KCNH1: variants seen among roughly 807,000 people sequenced by gnomAD.
KCNH1 encodes voltage-gated delayed rectifier potassium channel KCNH1.
A neutral mutation model predicts 69.2 loss-of-function variants in KCNH1; 27 were observed. The observed-to-expected ratio is 0.39, with a 90% CI of 0.29 to 0.54. The LOEUF (loss-of-function observed/expected upper bound fraction) is 0.54, where lower values mean the gene tolerates loss of function less well. Among genes scored for constraint, KCNH1 ranks in the 20% least tolerant of loss-of-function variants. The pLI is 0.68. For synonymous variants in KCNH1, 456 were observed against 487.7 expected, an observed-to-expected ratio of 0.93 and a Z score of 0.86; for missense variants, 798 against 1,261.6, an observed-to-expected ratio of 0.63 and a Z score of 5.57.
At chr1:210,728,357 A>G (rs1682659900) in intron 10 of KCNH1, among the ~76,000 whole-genome samples, 1 of 152,234 alleles carries the variant, frequency 6.6e-6, no homozygotes, top group Non-Finnish European at 1.5e-5. Context: ...TGAATGGTGA[A>G]TAGTGAAATG....
At chr1:211,130,959 T>C (rs78932442) in intron 1 of KCNH1, among the ~76,000 whole-genome samples, 3 of 152,348 alleles carry the variant, frequency 2.0e-5, no homozygotes, top group East Asian at 3.9e-4. Context: ...ATGTTGTTCT[T>C]GTTGTTATAA....
intron 1 of KCNH1, among the ~76,000 whole-genome samples, chr1:211,108,924 G>T (rs1691409141): frequency 6.6e-6 from 1 of 152,222 alleles, no homozygotes; most frequent in South Asian, 2.1e-4. Context: ...GATAAGAAAT[G>T]GTCCCTGCAC....
intron 10 of KCNH1, among the ~76,000 whole-genome samples, chr1:210,714,398 G>A (rs1558435704): frequency 6.6e-6 from 1 of 152,118 alleles, no homozygotes; most frequent in African/African-American, 2.4e-5. Flanking sequence ...TTCCTGTTTT[G>A]TTTTTTGCCT....
intron 10 of KCNH1, among the ~76,000 whole-genome samples, chr1:210,737,473 C>T (rs570712290): frequency 6.6e-6 from 1 of 152,322 alleles, no homozygotes; most frequent in African/African-American, 2.4e-5. Flanking sequence ...AGGATTCAGA[C>T]TCTGACCTCT....
At chr1:210,952,235 C>A (rs1688078379) in intron 6 of KCNH1, among the ~76,000 whole-genome samples, 1 of 152,200 alleles carries the variant, frequency 6.6e-6, no homozygotes. Context: ...TGGCCATAAA[C>A]CCCTTCCCTC....
intron 10 of KCNH1, among the ~76,000 whole-genome samples, chr1:210,724,391 A>G (rs374210963): frequency 7.9e-5 from 12 of 152,226 alleles, no homozygotes; most frequent in African/African-American, 2.9e-4. Flanking sequence ...CTGCTTACTG[A>G]TCCAGTAAGC....
intron 5 of KCNH1, among the ~76,000 whole-genome samples, chr1:211,060,591 AAAAG>A (rs1020332054): frequency 1.3e-5 from 2 of 151,844 alleles, no homozygotes; most frequent in African/African-American, 4.8e-5. Flanking sequence ...AGACTAAAAA[AAAAG>A]AAAGAAGACT....
At chr1:210,779,889 T>C (rs4951591) in intron 9 of KCNH1, among the ~76,000 whole-genome samples, 1 of 152,170 alleles carries the variant, frequency 6.6e-6, no homozygotes, top group Non-Finnish European at 1.5e-5. Context: ...GGGGTACCAA[T>C]GTAGGACTGA....
At chr1:211,001,488 G>A (rs867861361) in intron 6 of KCNH1, among the ~76,000 whole-genome samples, 15 of 152,286 alleles carry the variant, frequency 9.8e-5, no homozygotes, top group African/African-American at 3.6e-4. Flanking sequence ...CAGTTAGAAT[G>A]GCGATCATTA....
intron 5 of KCNH1, among the ~76,000 whole-genome samples, chr1:211,038,778 A>C (rs1689943052): frequency 6.6e-6 from 1 of 152,180 alleles, no homozygotes; most frequent in South Asian, 2.1e-4. Context: ...TGGGGGAAGA[A>C]ATTTCTAAGC....
chr1:210,967,177 T>C (rs574110237), intron 6 of KCNH1, among the ~76,000 whole-genome samples: 7 of 151,362 alleles, frequency 4.6e-5, no homozygotes, highest in African/African-American at 1.7e-4. Flanking sequence ...CTGTCAGGGG[T>C]TGGGGGGCTA....
intron 9 of KCNH1, among the ~76,000 whole-genome samples, chr1:210,789,206 C>T (rs1225618371): frequency 1.3e-5 from 2 of 152,204 alleles, no homozygotes; most frequent in South Asian, 2.1e-4. Context: ...AGGAGCAATG[C>T]ACCACAGTGA....
At chr1:210,787,921 T>C (rs989769453) in intron 9 of KCNH1, among the ~76,000 whole-genome samples, 3 of 152,316 alleles carry the variant, frequency 2.0e-5, no homozygotes, top group South Asian at 4.1e-4. Context: ...AAGGCTGGCA[T>C]CTCTGTCTGA....
chr1:210,680,916 C>G lies in KCNH1; in HGVS notation c.*2365G>C, dbSNP rs773833630. The G allele has an allele frequency of 6.6e-6, 1 of 152,180 alleles. No homozygotes were observed. Among genetic ancestry groups the G allele is most frequent in the Non-Finnish European group, 1.5e-5 (1 of 68,046 alleles). 9.4% of individuals were successfully genotyped at this position (152,180 alleles called of 1,614,324 possible). On this transcript the variant is annotated 3_prime_UTR_variant, in exon 11 of 11. Coordinates refer to ENST00000271751, the MANE Select transcript of KCNH1 (RefSeq NM_172362.3). ...TTATACCATCTTTGCCCCTCATACC[C>G]AGAGGTCTGAGAAATTTCACGGACA... is the stretch of plus-strand genomic sequence containing the variant.
chr1:211,043,289 T>C (rs1055326000), intron 5 of KCNH1, among the ~76,000 whole-genome samples: 1 of 152,008 alleles, frequency 6.6e-6, no homozygotes, highest in Non-Finnish European at 1.5e-5. Flanking sequence ...CTGACACCAC[T>C]GAAATACAAA....
intron 7 of KCNH1, among the ~76,000 whole-genome samples, chr1:210,914,667 G>A (rs1260134754): frequency 6.6e-6 from 1 of 152,110 alleles, no homozygotes; most frequent in African/African-American, 2.4e-5. Flanking sequence ...GTTACCTAAA[G>A]CATTAATCAG....
chr1:211,036,764 T>C (rs538242062), intron 5 of KCNH1, among the ~76,000 whole-genome samples: 5 of 152,318 alleles, frequency 3.3e-5, no homozygotes, highest in South Asian at 2.1e-4. Context: ...AGTATGAGCA[T>C]GTGCTTCTAT....
At chr1:211,115,717 GTA>G (rs1178328609) in intron 1 of KCNH1, among the ~76,000 whole-genome samples, 5 of 96,724 alleles carry the variant, frequency 5.2e-5, no homozygotes, top group Non-Finnish European at 1.1e-4. Context: ...ATATATATAT[GTA>G]TATATATATA....
chr1:210,861,289 A>C, intron 7 of KCNH1: 2 of 892,056 alleles, frequency 2.2e-6, no homozygotes, highest in Non-Finnish European at 3.8e-6. Flanking sequence ...AAACTCCTTG[A>C]TTAATAGAAT....
Sources: allele counts gnomAD v4.1 joint callset (sites outside exome capture counted in the v4.1 genomes callset), GRCh38; gene constraint gnomAD v4.1.1; transcripts MANE v1.5; gene names NCBI Gene and HGNC (gene_info 2026-07-23, HGNC 2026-07-21).